Variants in NEO1 observed in about 807,000 individuals in gnomAD.
NEO1 encodes the protein neogenin 1, also known as neogenin.
A neutral mutation model predicts 159.7 loss-of-function variants in NEO1; 63 were observed. That is an observed-to-expected ratio of 0.39 (90% CI 0.32 to 0.49). The LOEUF is 0.49. Among genes scored for constraint, NEO1 ranks in the 20% least tolerant of loss-of-function variants. The pLI, the probability that NEO1 is intolerant of heterozygous loss-of-function variation, is 0.85. For missense variants in NEO1, 1,615 were observed against 1,831.0 expected (o/e 0.88, Z 2.15); for synonymous variants, 633 against 662.0 (o/e 0.96, Z 0.67).
At chr15:73,200,549 A>C (rs1164125478) in intron 7 of NEO1, among the ~76,000 whole-genome samples, 1 of 151,598 alleles carries the variant, frequency 6.6e-6, no homozygotes, top group Non-Finnish European at 1.5e-5. Flanking sequence ...GAGGACTGAA[A>C]GGGAAGGGAA....
At chr15:73,081,994 C>T (rs2069078412) in intron 1 of NEO1, among the ~76,000 whole-genome samples, 1 of 151,958 alleles carries the variant, frequency 6.6e-6, no homozygotes, top group African/African-American at 2.4e-5. Flanking sequence ...CTGCCTCAGC[C>T]TCCCGAGTAG....
intron 7 of NEO1, among the ~76,000 whole-genome samples, chr15:73,227,069 A>C (rs952493547): frequency 1.5e-4 from 23 of 152,318 alleles, no homozygotes; most frequent in African/African-American, 5.5e-4. Flanking sequence ...ATAATTATAG[A>C]CTGTTACTAA....
chr15:73,103,418 C>G (rs1184252312), intron 1 of NEO1, among the ~76,000 whole-genome samples: 1 of 152,158 alleles, frequency 6.6e-6, no homozygotes, highest in Non-Finnish European at 1.5e-5. Flanking sequence ...GCCTTTGTAC[C>G]TACTGTTCCT....
intron 20 of NEO1, 114 bp downstream of exon 20, chr15:73,274,119 C>A: frequency 3.0e-6 from 3 of 990,596 alleles, no homozygotes; most frequent in Non-Finnish European, 4.4e-6. Flanking sequence ...TAATGATGAG[C>A]TTGTGAGCCA....
At chr15:73,242,255 A>G (rs2039526864) in intron 8 of NEO1, among the ~76,000 whole-genome samples, 1 of 152,220 alleles carries the variant, frequency 6.6e-6, no homozygotes, top group Non-Finnish European at 1.5e-5. Context: ...CTAGTAGCCT[A>G]CTGTTGACTG....
intron 15 of NEO1, among the ~76,000 whole-genome samples, chr15:73,263,407 C>T (rs971495881): frequency 6.6e-6 from 1 of 152,072 alleles, no homozygotes; most frequent in African/African-American, 2.4e-5. Flanking sequence ...TTGCCCCAGG[C>T]TGGTCTCAAA....
intron 4 of NEO1, among the ~76,000 whole-genome samples, chr15:73,128,203 G>T (rs1224244855): frequency 6.7e-6 from 1 of 150,020 alleles, no homozygotes; most frequent in Non-Finnish European, 1.5e-5. Flanking sequence ...CCTCTTTCCA[G>T]CTAAATATTA....
At chr15:73,168,497 C>G (rs1341460275) in intron 5 of NEO1, among the ~76,000 whole-genome samples, 3 of 151,208 alleles carry the variant, frequency 2.0e-5, no homozygotes, top group Admixed American at 2.0e-4. Flanking sequence ...CCGCGCTGGC[C>G]GAGAAATACT....
Position 73,126,526 on chromosome 15 carries a change from A to G in NEO1, c.834A>G (p.Pro278=). The G allele has an allele frequency of 6.2e-7, 1 of 1,613,852 alleles. No homozygotes were observed. The highest frequency in any genetic ancestry group is 8.5e-7 in the Non-Finnish European group (1 of 1,179,900). Residue 278 remains proline (P), a synonymous_variant, in exon 4 of 29, where the codon CCA becomes CCG. Coordinates refer to ENST00000261908, the MANE Select transcript of NEO1 (RefSeq NM_002499.4). ...LPCVASGLPT[P]TIKWMKNEEA... ...GTGTTGCTTCAGGACTTCCTACTCCAACCATTAAATGGATGAAAAATGAGG... is the reference window on the plus strand; with the variant it reads ...GTGTTGCTTCAGGACTTCCTACTCCGACCATTAAATGGATGAAAAATGAGG...
At chr15:73,269,068 G>T (rs2041049050) in intron 16 of NEO1, among the ~76,000 whole-genome samples, 1 of 152,118 alleles carries the variant, frequency 6.6e-6, no homozygotes, top group African/African-American at 2.4e-5. Context: ...AGTTCCTTTT[G>T]CTTTATTTGG....
At chr15:73,199,951 A>G (rs1329012582) in intron 7 of NEO1, among the ~76,000 whole-genome samples, 2 of 151,934 alleles carry the variant, frequency 1.3e-5, no homozygotes, top group Admixed American at 6.6e-5. Flanking sequence ...TGACCTAATC[A>G]CCTCCCAAAG....
chr15:73,174,003 G>A (rs2151943882), intron 5 of NEO1, among the ~76,000 whole-genome samples: 1 of 151,768 alleles, frequency 6.6e-6, no homozygotes, highest in East Asian at 1.9e-4. Context: ...GAGAGGCTGA[G>A]GTACAAGAAT....
chr15:73,167,130 TG>T (rs1567365182), intron 5 of NEO1, among the ~76,000 whole-genome samples: 1 of 61,742 alleles, frequency 1.6e-5, no homozygotes, highest in East Asian at 5.9e-4. Context: ...TGTCATGGGG[TG>T]GGGGGAGGGG....
Position 73,278,218 on chromosome 15 carries a change from C to T in NEO1, c.3262+19C>T, listed in dbSNP as rs548875362. 1.7e-5 allele frequency: 27 copies of T among 1,605,970 alleles called. No homozygotes were observed. In the Admixed American group the frequency reaches 2.4e-4, roughly 14 times the overall value. On this transcript the variant is annotated intron_variant, in intron 22 of 28. Transcript: ENST00000261908. ...ATGAGCGGTAAAGCCTTTCCCATGG[C>T]GTTTTTTGCTTACTATGGACATGAA...
At chr15:73,284,293 A>G (rs1026866513) in intron 23 of NEO1, among the ~76,000 whole-genome samples, 2 of 152,196 alleles carry the variant, frequency 1.3e-5, no homozygotes, top group Admixed American at 1.3e-4. Context: ...AGAGAAATTC[A>G]TGTTTATGTG....
At position 73,116,660 on chromosome 15, in the gene NEO1, T is replaced by C. The variant is rs2071339537; in HGVS notation, c.251T>C (p.Ile84Thr). 4 of 1,614,002 alleles carry C rather than the reference T, an allele frequency of 2.5e-6. No individual in the cohort carries two copies. The highest frequency in any genetic ancestry group is 2.2e-5 in the East Asian group (1 of 44,874). Residue 84 changes from isoleucine (I) to threonine (T), a missense_variant, in exon 2 of 29, where the codon ATT becomes ACT. Physicochemically the swap from Ile to Thr is moderately conservative, Grantham distance 89 (BLOSUM62 -1). Transcript: ENST00000261908. Reference protein sequence around the residue: ...CSAYSEPSPKIEWKKDGTFLN... With the variant: ...CSAYSEPSPKTEWKKDGTFLN... ...GCATATTCTGAGCCTTCTCCAAAAA[T>C]TGAATGGAAAAAAGATGGAACTTTT...
chr15:73,097,309 T>G (rs1268342594), intron 1 of NEO1, among the ~76,000 whole-genome samples: 1 of 151,988 alleles, frequency 6.6e-6, no homozygotes, highest in Non-Finnish European at 1.5e-5. Flanking sequence ...TAATTTCATT[T>G]TTCCACGAAC....
chr15:73,105,753 A>G (rs1393352943), intron 1 of NEO1, among the ~76,000 whole-genome samples: 4 of 152,008 alleles, frequency 2.6e-5, no homozygotes, highest in Non-Finnish European at 5.9e-5. Context: ...TTATTTTTTC[A>G]TGCTTAGATT....
At chr15:73,176,925 A>G (rs1428069399) in intron 6 of NEO1, among the ~76,000 whole-genome samples, 1 of 152,164 alleles carries the variant, frequency 6.6e-6, no homozygotes, top group Non-Finnish European at 1.5e-5. Context: ...AGAAGCAGAA[A>G]TCTTTCCACA....
Sources: allele counts gnomAD v4.1 joint callset (sites outside exome capture counted in the v4.1 genomes callset), GRCh38; gene constraint gnomAD v4.1.1; transcripts MANE v1.5; gene names NCBI Gene and HGNC (gene_info 2026-07-23, HGNC 2026-07-21).